Variants in NCOA1 observed in about 807,000 individuals in gnomAD.
NCOA1 encodes Hin-2 protein.
Under a neutral mutation model 150.9 loss-of-function variants are expected in NCOA1, and 35 were observed. The observed-to-expected ratio is 0.23, with a 90% CI of 0.18 to 0.31. The LOEUF (loss-of-function observed/expected upper bound fraction) is 0.31. Ranked by LOEUF, NCOA1 falls within the 10% of genes least tolerant of loss-of-function variation. NCOA1 has a pLI of 1.00. For synonymous variants in NCOA1, 590 were observed against 630.0 expected (o/e 0.94, Z 0.95); for missense variants, 1,491 against 1,749.3 (o/e 0.85, Z 2.63).
At chr2:24,516,797 A>G (rs1347036634) in intron 1 of NCOA1, among the ~76,000 whole-genome samples, 1 of 134,242 alleles carries the variant, frequency 7.4e-6, no homozygotes, top group African/African-American at 2.7e-5. Flanking sequence ...CTTCATTCCA[A>G]TGTACTTTCC....
intron 10 of NCOA1, among the ~76,000 whole-genome samples, chr2:24,695,409 G>A (rs1672852992): frequency 6.6e-6 from 1 of 152,130 alleles, no homozygotes; most frequent in Non-Finnish European, 1.5e-5. Context: ...AGGCCCTAAT[G>A]TGGAGCCCTT....
chr2:24,688,020 C>G (rs972021498), intron 8 of NCOA1, among the ~76,000 whole-genome samples: 3 of 152,142 alleles, frequency 2.0e-5, no homozygotes, highest in Non-Finnish European at 2.9e-5. Context: ...GTTTTCTGTT[C>G]CTGCGTTAGT....
At chr2:24,614,611 T>C (rs1572493396) in intron 3 of NCOA1, among the ~76,000 whole-genome samples, 1 of 152,068 alleles carries the variant, frequency 6.6e-6, no homozygotes, top group Admixed American at 6.5e-5. Context: ...TCTCAGGCAG[T>C]GGGAATCCTC....
chr2:24,648,233 A>G (rs951825334), intron 4 of NCOA1, among the ~76,000 whole-genome samples: 3 of 151,980 alleles, frequency 2.0e-5, no homozygotes, highest in Non-Finnish European at 2.9e-5. Context: ...TACAAAATGC[A>G]TATCTTTTCT....
chr2:24,768,172 CGG>C, intron 22 of NCOA1, 47 bp from the exon 23 acceptor site: 1 of 1,612,982 alleles, frequency 6.2e-7, no homozygotes, highest in Middle Eastern at 1.7e-4. Flanking sequence ...ACTCATAAGC[CGG>C]GGGGGCAGAC....
At chr2:24,508,556 C>A (rs1053209497) in intron 1 of NCOA1, among the ~76,000 whole-genome samples, 3 of 151,866 alleles carry the variant, frequency 2.0e-5, no homozygotes, top group African/African-American at 7.3e-5. Flanking sequence ...GGGGAGAATT[C>A]AAAAAAATTT....
At chr2:24,749,278 G>T (rs1209564575) in intron 19 of NCOA1, among the ~76,000 whole-genome samples, 2 of 152,218 alleles carry the variant, frequency 1.3e-5, no homozygotes, top group Admixed American at 1.3e-4. Flanking sequence ...TCCCTGAGCT[G>T]AGGAGGTGGA....
At chr2:24,530,840 C>T (rs973856997) in intron 1 of NCOA1, among the ~76,000 whole-genome samples, 7 of 152,020 alleles carry the variant, frequency 4.6e-5, no homozygotes, top group Non-Finnish European at 8.8e-5. Context: ...ATTGAAGATA[C>T]CTTTTAAAGG....
chr2:24,596,509 AT>A (rs1160114842), intron 3 of NCOA1, among the ~76,000 whole-genome samples: 1 of 152,140 alleles, frequency 6.6e-6, no homozygotes, highest in East Asian at 1.9e-4. Flanking sequence ...CCCAAAAAAA[AT>A]CTTTGTTTTA....
rs375621377 is a variant in NCOA1 at position 24,741,828 on chromosome 2, G to C, written c.3348G>C (p.Leu1116=). 6.2e-7 allele frequency: 1 copy of C among 1,614,036 alleles called. No homozygotes were observed. The highest frequency in any genetic ancestry group is 8.5e-7 in the Non-Finnish European group (1 of 1,180,014). ...AQMLAQRQRE[L]YSQQHRQRQL... is the part of the protein sequence containing the mutation. ...TGTTGGCACAACGTCAGCGGGAACT[G>C]TACAGTCAACAGCACCGACAGAGGC... Residue 1116 remains leucine, a synonymous_variant, in exon 19 of 23, where the codon CTG becomes CTC. Coordinates refer to ENST00000348332, the MANE Select transcript of NCOA1 (RefSeq NM_003743.5).
chr2:24,666,619 C>G (rs1044208951), intron 6 of NCOA1, among the ~76,000 whole-genome samples: 1 of 145,020 alleles, frequency 6.9e-6, no homozygotes, highest in Non-Finnish European at 1.5e-5. Context: ...TACCTGGGCT[C>G]TTCTCTGAAA....
chr2:24,693,216 CTCTA>C (rs1672751198), intron 9 of NCOA1, 32 bp from the exon 10 acceptor site: 1 of 1,574,206 alleles, frequency 6.4e-7, no homozygotes, highest in Non-Finnish European at 8.7e-7. Context: ...ATTTTCTACT[CTCTA>C]TCCTTCAATT....
At chr2:24,650,666 ATTTC>A (rs1465579691) in intron 4 of NCOA1, among the ~76,000 whole-genome samples, 1 of 152,130 alleles carries the variant, frequency 6.6e-6, no homozygotes, top group East Asian at 1.9e-4. Context: ...CTGAAAAGAT[ATTTC>A]TTTAAGGATG....
intron 14 of NCOA1, among the ~76,000 whole-genome samples, chr2:24,719,723 T>G (rs1215194552): frequency 6.6e-6 from 1 of 152,070 alleles, no homozygotes; most frequent in Non-Finnish European, 1.5e-5. Flanking sequence ...TCCACAAGAT[T>G]AGGGAACAAC....
intron 7 of NCOA1, among the ~76,000 whole-genome samples, chr2:24,674,307 G>A (rs1558893796): frequency 6.6e-6 from 1 of 151,568 alleles, no homozygotes; most frequent in Non-Finnish European, 1.5e-5. Context: ...CCCGGTTCAT[G>A]ACATTCTCCT....
intron 6 of NCOA1, among the ~76,000 whole-genome samples, chr2:24,672,045 G>A (rs767244902): frequency 1.1e-4 from 17 of 152,076 alleles, no homozygotes; most frequent in Non-Finnish European, 1.5e-4. Flanking sequence ...ATCCATGGAT[G>A]TGGAGGACTA....
At chr2:24,754,480 A>G (rs974518255) in intron 20 of NCOA1, among the ~76,000 whole-genome samples, 1 of 151,878 alleles carries the variant, frequency 6.6e-6, no homozygotes, top group Non-Finnish European at 1.5e-5. Flanking sequence ...GCATTTTTTA[A>G]TCTCTCTGCT....
intron 14 of NCOA1, chr2:24,711,385 A>G (rs1192833503): frequency 2.7e-5 from 7 of 259,314 alleles, no homozygotes; most frequent in Non-Finnish European, 3.6e-5. Flanking sequence ...AACACCCCAT[A>G]ACAGGACTTT....
chr2:24,740,713 T>C (rs1663559546), intron 18 of NCOA1, among the ~76,000 whole-genome samples: 1 of 152,222 alleles, frequency 6.6e-6, no homozygotes, highest in South Asian at 2.1e-4. Context: ...TTATAAATCT[T>C]AGTGCTAGCT....
Sources: allele counts gnomAD v4.1 joint callset (sites outside exome capture counted in the v4.1 genomes callset), GRCh38; gene constraint gnomAD v4.1.1; transcripts MANE v1.5; gene names NCBI Gene and HGNC (gene_info 2026-07-23, HGNC 2026-07-21).